The following MASP1 variants were observed in gnomAD, a reference collection of about 807,000 sequenced individuals.
The protein encoded by MASP1 is mannan-binding lectin serine protease 1.
Under a neutral mutation model 77.1 loss-of-function variants are expected in MASP1, and 59 were observed. The ratio of observed to expected loss-of-function variants is 0.77; its 90% CI spans 0.62 to 0.95. The LOEUF is 0.95. MASP1 is among the 40% of genes least tolerant of loss of function. The pLI is 0.00. For missense variants in MASP1, 885 were observed against 912.9 expected (o/e 0.97, Z 0.39); for synonymous variants, 362 against 354.5 (o/e 1.02, Z -0.24).
At chr3:187,245,521 T>C (rs1714002391) in intron 8 of MASP1, among the ~76,000 whole-genome samples, 1 of 152,032 alleles carries the variant, frequency 6.6e-6, no homozygotes, top group African/African-American at 2.4e-5. Flanking sequence ...GAGGGGGTGA[T>C]AAATAGTGGA....
chr3:187,236,647 T>G, intron 10 of MASP1, 80 bp from the exon 11 acceptor site: 2 of 1,611,282 alleles, frequency 1.2e-6, no homozygotes, highest in Non-Finnish European at 1.7e-6. Context: ...CAAAGATAAA[T>G]TCACATTTCA....
chr3:187,290,231 T>C (rs1213428848), intron 1 of MASP1, among the ~76,000 whole-genome samples: 1 of 152,104 alleles, frequency 6.6e-6, no homozygotes, highest in Non-Finnish European at 1.5e-5. Flanking sequence ...AAGGAGGGGA[T>C]GCTCACTCTG....
intron 10 of MASP1, 43 bp downstream of exon 10, chr3:187,241,438 T>G (rs767776200): frequency 6.4e-6 from 10 of 1,553,968 alleles, no homozygotes; most frequent in Non-Finnish European, 8.9e-6. Context: ...CCTAGGGCCT[T>G]GGATGGAAAA....
At chr3:187,264,799 A>C (rs1035612009) in intron 2 of MASP1, among the ~76,000 whole-genome samples, 4 of 152,200 alleles carry the variant, frequency 2.6e-5, no homozygotes, top group Non-Finnish European at 5.9e-5. Flanking sequence ...GCTAGAACTT[A>C]ATAAAAAAAA....
In MASP1 at chr3:187,225,339, C is replaced by G. The variant is rs140787141; in HGVS notation, c.1726G>C (p.Gly576Arg). ...GGGAAAGTACCTTCCTGCTGGGGTC[C>G]CTCAGGCAGACAGATGGGCATCACG... is the stretch of plus-strand genomic sequence containing the variant. The change falls in exon 13 of 16, where the codon GGA becomes CGA. Residue 576 changes from glycine (G) to arginine (R), a missense_variant. Coordinates refer to the MASP1 transcript ENST00000337774. 9 of 1,613,126 alleles carry G rather than the reference C, an allele frequency of 5.6e-6. No individual in the cohort carries two copies. In the African/African-American group the frequency reaches 8.0e-5, roughly 14 times the overall value.
In MASP1 at chr3:187,223,339, C is replaced by T. The variant is rs919850181; in HGVS notation, c.1742-145G>A. 81 of 728,382 alleles carry T rather than the reference C, an allele frequency of 1.1e-4. No individual in the cohort carries two copies. In the East Asian group the frequency reaches 1.2e-3, roughly 11 times the overall value. 45.1% of individuals were successfully genotyped at this position (728,382 alleles called of 1,614,324 possible). A position where few individuals can be genotyped will look rare whatever the true frequency, so the allele number is the denominator to read the frequency against. On this transcript the variant is annotated intron_variant, in intron 13 of 15. Transcript: ENST00000337774. The stretch of plus-strand genomic sequence containing the variant: ...AAAGGTGGTGTGGTGGGGAGGAAGA[C>T]GTGAAAGGCAGCTGGGCTACAGATT...
intron 8 of MASP1, among the ~76,000 whole-genome samples, chr3:187,248,451 T>G (rs992269638): frequency 7.9e-5 from 12 of 152,290 alleles, no homozygotes; most frequent in Non-Finnish European, 1.5e-4. Flanking sequence ...ATACACTGAT[T>G]ACAGCTGAGA....
rs1249111144 is a variant in MASP1 at position 187,235,392 on chromosome 3, T to A, written c.*292A>T. On this transcript the variant is annotated 3_prime_UTR_variant, in exon 11 of 11. Coordinates refer to ENST00000296280, the MANE Select transcript of MASP1 (RefSeq NM_139125.4). The stretch of plus-strand genomic sequence containing the variant: ...AGAAGCATGGCCTGGAAAGGAGTGC[T>A]GGGATTGGCACAGAGGCCTTGGTTG... 8.9e-6 allele frequency: 13 copies of A among 1,457,666 alleles called. No homozygotes were observed. Among genetic ancestry groups the A allele is most frequent in the Non-Finnish European group, 1.2e-5 (13 of 1,098,396 alleles). 90.3% of individuals were successfully genotyped at this position (1,457,666 alleles called of 1,614,324 possible). A position where few individuals can be genotyped will look rare whatever the true frequency, so the allele number is the denominator to read the frequency against.
chr3:187,266,326 T>A (rs1332571878), intron 2 of MASP1, among the ~76,000 whole-genome samples: 1 of 152,142 alleles, frequency 6.6e-6, no homozygotes, highest in Non-Finnish European at 1.5e-5. Flanking sequence ...TTATACGAGC[T>A]CAATAAGCAA....
rs1244251018 is a variant in MASP1 at position 187,250,313 on chromosome 3, T to A, written c.1028A>T (p.Asp343Val). The change falls in exon 8 of 11, where the codon GAC (aspartate) becomes GTC (valine). Residue 343 changes from aspartate to valine, a missense_variant. Transcript: ENST00000296280. ...YKVLKDNVEM[D>V]TFQIECLKDG... ...CTTCAGACACTCAATCTGGAATGTG[T>A]CCATCTCCACATTATCCTGGGAAGA... 6.2e-7 allele frequency: 1 copy of A among 1,613,044 alleles called. No homozygotes were observed. The highest frequency in any genetic ancestry group is 8.5e-7 in the Non-Finnish European group (1 of 1,179,012).
chr3:187,288,556 G>A (rs1302488163), intron 1 of MASP1, among the ~76,000 whole-genome samples: 3 of 152,232 alleles, frequency 2.0e-5, no homozygotes, highest in East Asian at 1.9e-4. Context: ...GCGTAAAGGA[G>A]GATGGGGAAG....
chr3:187,234,390 A>G lies in MASP1; in HGVS notation c.*1294T>C. 1 of 1,287,214 alleles carries G rather than the reference A, an allele frequency of 7.8e-7. No individual in the cohort carries two copies. Among genetic ancestry groups the G allele is most frequent in the Non-Finnish European group, 1.0e-6 (1 of 988,680 alleles). 79.7% of individuals were successfully genotyped at this position (1,287,214 alleles called of 1,614,324 possible). On this transcript the variant is annotated 3_prime_UTR_variant, in exon 11 of 11. Coordinates refer to ENST00000296280, the MANE Select transcript of MASP1 (RefSeq NM_139125.4). Reference sequence around the variant, plus strand: ...CCAGAGAGGCTGCTAGCAGTCAGGGAAGCTCTGAGTGCTCCAGCTAGAAGG... The same window carrying G: ...CCAGAGAGGCTGCTAGCAGTCAGGGGAGCTCTGAGTGCTCCAGCTAGAAGG...
intron 1 of MASP1, chr3:187,291,404 G>T (rs1397121474): frequency 3.2e-6 from 2 of 620,988 alleles, no homozygotes; most frequent in Admixed American, 2.5e-5. Context: ...AGCAGGATTT[G>T]CACGAAGTCT....
chr3:187,272,036 G>C (rs764178981), intron 2 of MASP1, among the ~76,000 whole-genome samples: 41 of 152,218 alleles, frequency 2.7e-4, no homozygotes, highest in Non-Finnish European at 5.4e-4. Flanking sequence ...GGCAGGGAGG[G>C]TCTCATGTCA....
chr3:187,282,322 C>T (rs1717484447), intron 2 of MASP1, among the ~76,000 whole-genome samples: 1 of 151,918 alleles, frequency 6.6e-6, no homozygotes, highest in Non-Finnish European at 1.5e-5. Context: ...CATGGTGAAA[C>T]CCCGTCTCTG....
At chr3:187,217,433 T>C (rs1222084745) in exon 16 of MASP1, 2 of 152,222 alleles carry the variant, frequency 1.3e-5, no homozygotes, top group Non-Finnish European at 2.9e-5. Context: ...AACTGTATTC[T>C]AGAGAGGTGG....
chr3:187,222,518 C>A (rs1188078623), intron 14 of MASP1, among the ~76,000 whole-genome samples: 1 of 152,154 alleles, frequency 6.6e-6, no homozygotes, highest in Non-Finnish European at 1.5e-5. Context: ...CCGGTGATAT[C>A]AGAGCCAAGC....
intron 14 of MASP1, among the ~76,000 whole-genome samples, chr3:187,222,822 A>C (rs557637488): frequency 2.0e-5 from 3 of 152,202 alleles, no homozygotes; most frequent in African/African-American, 7.2e-5. Context: ...GCACAGCTGG[A>C]TTGTCACCAT....
At chr3:187,236,598 A>T in intron 10 of MASP1, 31 bp from the exon 11 acceptor site, 1 of 1,613,398 alleles carries the variant, frequency 6.2e-7, no homozygotes, top group Non-Finnish European at 8.5e-7. Context: ...CAGGGACAAG[A>T]GACAGAGACT....
Sources: allele counts gnomAD v4.1 joint callset (sites outside exome capture counted in the v4.1 genomes callset), GRCh38; gene constraint gnomAD v4.1.1; transcripts MANE v1.5; gene names NCBI Gene and HGNC (gene_info 2026-07-23, HGNC 2026-07-21).